The following TTLL11 variants were observed in gnomAD, a reference collection of about 807,000 sequenced individuals.
TTLL11 encodes the protein tubulin tyrosine ligase like 11.
Under a neutral mutation model 51.7 loss-of-function variants are expected in TTLL11, and 42 were observed. The observed-to-expected ratio is 0.81, with a 90% CI of 0.64 to 1.05. The LOEUF (loss-of-function observed/expected upper bound fraction) is 1.05. Among genes scored for constraint, TTLL11 ranks in the 50% least tolerant of loss-of-function variants. The pLI is 0.00. For missense variants in TTLL11, 799 were observed against 940.4 expected (o/e 0.85, Z 1.97); for synonymous variants, 381 against 383.5 (o/e 0.99, Z 0.08).
At chr9:121,891,114 G>T (rs563382371) in intron 6 of TTLL11, among the ~76,000 whole-genome samples, 3 of 152,102 alleles carry the variant, frequency 2.0e-5, no homozygotes, top group Non-Finnish European at 2.9e-5. Flanking sequence ...CCCTTTTCAC[G>T]CTATATTACA....
At position 121,995,386 on chromosome 9, in the gene TTLL11, C is replaced by T. The variant is rs369589954; in HGVS notation, c.694-5616G>A. On this transcript the variant is annotated intron_variant, in intron 3 of 8. Coordinates refer to ENST00000321582, the MANE Select transcript of TTLL11 (RefSeq NM_001139442.2). This position sits in a 1 kb window ranked among gnomAD's most constrained non-coding sequence, Gnocchi z 4.4. ...AATGAAACCAGGTGTAGGAAGGACC[C>T]GAGGCTATCAAAGGTCCAAAGGCCT... Among the ~76,000 whole-genome samples the T allele has an allele frequency of 1.3e-3, 204 of 152,182 alleles. 1 individual carries two copies. The highest frequency in any genetic ancestry group is 4.6e-3 in the African/African-American group (192 of 41,508).
chr9:121,900,044 TAGTA>T, intron 6 of TTLL11, among the ~76,000 whole-genome samples: 1 of 152,304 alleles, frequency 6.6e-6, no homozygotes, highest in Admixed American at 6.5e-5. Flanking sequence ...TACTTATGCC[TAGTA>T]AGTGAGATTT....
At chr9:122,068,717 T>TG (rs1055696860) in intron 1 of TTLL11, among the ~76,000 whole-genome samples, 1 of 152,192 alleles carries the variant, frequency 6.6e-6, no homozygotes, top group African/African-American at 2.4e-5. Flanking sequence ...TGGCAGATAC[T>TG]GGGGGGTGTT....
intron 3 of TTLL11, among the ~76,000 whole-genome samples, chr9:122,014,041 G>T (rs1052495405): frequency 2.6e-5 from 4 of 152,084 alleles, no homozygotes; most frequent in South Asian, 2.1e-4. Flanking sequence ...CTTGGCCAGG[G>T]TCTCATAGTC....
At chr9:122,087,612 C>A (rs931325374) in intron 1 of TTLL11, among the ~76,000 whole-genome samples, 2 of 152,180 alleles carry the variant, frequency 1.3e-5, no homozygotes, top group South Asian at 2.1e-4. Flanking sequence ...TTCACATTAG[C>A]TGGTGGCCAT....
At chr9:121,940,787 C>T (rs1287800825) in intron 6 of TTLL11, among the ~76,000 whole-genome samples, 2 of 152,214 alleles carry the variant, frequency 1.3e-5, no homozygotes, top group Admixed American at 6.5e-5. Flanking sequence ...AGGACATTTG[C>T]TGATCTCCTC....
At chr9:121,878,162 T>A (rs1455270300) in intron 6 of TTLL11, among the ~76,000 whole-genome samples, 1 of 152,072 alleles carries the variant, frequency 6.6e-6, no homozygotes, top group Non-Finnish European at 1.5e-5. Flanking sequence ...TGGAGAGAAG[T>A]TTCTGGCTCT....
intron 6 of TTLL11, among the ~76,000 whole-genome samples, chr9:121,962,864 G>C (rs1036627778): frequency 6.6e-6 from 1 of 152,218 alleles, no homozygotes; most frequent in African/African-American, 2.4e-5. Flanking sequence ...TTCTGCGCTT[G>C]GCCCTGGAGA....
chr9:121,866,157 C>T (rs1171191624), intron 7 of TTLL11, among the ~76,000 whole-genome samples: 1 of 152,012 alleles, frequency 6.6e-6, no homozygotes, highest in African/African-American at 2.4e-5. Context: ...GCACTTGGTT[C>T]GATTTAACAT....
intron 6 of TTLL11, among the ~76,000 whole-genome samples, chr9:121,899,412 C>CAT: frequency 2.2e-5 from 3 of 134,532 alleles, no homozygotes; most frequent in Non-Finnish European, 4.9e-5. Flanking sequence ...TACACACACA[C>CAT]ACACATTTAG....
At chr9:121,965,641 A>G (rs1842377606) in intron 6 of TTLL11, among the ~76,000 whole-genome samples, 1 of 152,194 alleles carries the variant, frequency 6.6e-6, no homozygotes, top group African/African-American at 2.4e-5. Flanking sequence ...TGAATGGGCC[A>G]TTCAGCAGGA....
At chr9:122,081,783 G>A (rs1180086870) in intron 1 of TTLL11, among the ~76,000 whole-genome samples, 1 of 152,082 alleles carries the variant, frequency 6.6e-6, no homozygotes, top group African/African-American at 2.4e-5. Context: ...TTATTTGGTA[G>A]ACATTTAAAT....
chr9:121,995,512 G>A lies in TTLL11; in HGVS notation c.694-5742C>T, dbSNP rs754250039. On this transcript the variant is annotated intron_variant, in intron 3 of 8. Transcript: ENST00000321582. This position sits in a 1 kb window ranked among gnomAD's most constrained non-coding sequence, Gnocchi z 4.4. ...CAGATGTGAAAGGCGAGAGAGGAAA[G>A]GGTCATGGGTGAGCTCACGGTTTGG... Among the ~76,000 whole-genome samples, 1 of 152,144 alleles carries A rather than the reference G, an allele frequency of 6.6e-6. No individual in the cohort carries two copies. The highest frequency in any genetic ancestry group is 1.5e-5 in the Non-Finnish European group (1 of 68,034).
At position 121,897,329 on chromosome 9, in the gene TTLL11, C is replaced by T. The variant is rs1588107422; in HGVS notation, c.1482-26581G>A. Among the ~76,000 whole-genome samples the T allele has an allele frequency of 2.0e-5, 3 of 152,162 alleles. No individual in the cohort carries two copies. The South Asian group carries it at 6.2e-4, about 31-fold the overall frequency. On this transcript the variant is annotated intron_variant, in intron 6 of 8. Coordinates refer to ENST00000321582, the MANE Select transcript of TTLL11 (RefSeq NM_001139442.2). Reference sequence around the variant, plus strand: ...CTCACTCGAGATCACACAGCTAGCACGCGGTAGAACTGAGGCTCAAACCTG... The same window carrying T: ...CTCACTCGAGATCACACAGCTAGCATGCGGTAGAACTGAGGCTCAAACCTG...
intron 3 of TTLL11, among the ~76,000 whole-genome samples, chr9:122,013,475 C>A (rs1024356116): frequency 6.6e-6 from 1 of 152,194 alleles, no homozygotes. Flanking sequence ...GGTCTCCCAA[C>A]AGAGGAAATG....
chr9:121,861,843 AC>A (rs1206325597), intron 7 of TTLL11, among the ~76,000 whole-genome samples: 1 of 152,188 alleles, frequency 6.6e-6, no homozygotes, highest in Non-Finnish European at 1.5e-5. Context: ...TCTGTACTTT[AC>A]CCATCTCAAT....
chr9:121,836,647 C>T (rs1837186383), intron 8 of TTLL11, among the ~76,000 whole-genome samples: 1 of 152,238 alleles, frequency 6.6e-6, no homozygotes. Flanking sequence ...CCCTGGCTGA[C>T]TCCTCAATGT....
At chr9:122,010,862 C>T (rs1478995036) in intron 3 of TTLL11, among the ~76,000 whole-genome samples, 1 of 152,174 alleles carries the variant, frequency 6.6e-6, no homozygotes, top group Non-Finnish European at 1.5e-5. Flanking sequence ...GGTCATGATT[C>T]AAAGCAAGAT....
intron 6 of TTLL11, among the ~76,000 whole-genome samples, chr9:121,916,676 G>T (rs1387353704): frequency 6.6e-6 from 1 of 152,116 alleles, no homozygotes; most frequent in Non-Finnish European, 1.5e-5. Flanking sequence ...CAGAAATAAC[G>T]GAACGATGGT....
Sources: allele counts gnomAD v4.1 joint callset (sites outside exome capture counted in the v4.1 genomes callset), GRCh38; gene constraint gnomAD v4.1.1; non-coding constraint Gnocchi (gnomAD v3.1); transcripts MANE v1.5; gene names NCBI Gene and HGNC (gene_info 2026-07-23, HGNC 2026-07-21).